ZNF280D: variants seen among roughly 807,000 people sequenced by gnomAD.
The protein encoded by ZNF280D is zinc finger protein 280D, also known as suppressor of hairy wing homolog 4.
Under a neutral mutation model 94.7 loss-of-function variants are expected in ZNF280D, and 39 were observed. The ratio of observed to expected loss-of-function variants is 0.41; its 90% CI spans 0.32 to 0.54. ZNF280D has a LOEUF of 0.54. Ranked by LOEUF, ZNF280D falls within the 20% of genes least tolerant of loss-of-function variation. The probability of loss-of-function intolerance (pLI) is 0.22; values close to 1 mark genes in which losing one functional copy is unlikely to be tolerated. For synonymous variants in ZNF280D, 398 were observed against 377.6 expected (o/e 1.05, Z -0.63); for missense variants, 1,090 against 1,149.3 (o/e 0.95, Z 0.75).
At chr15:56,651,999 G>A (rs1168226613) in intron 19 of ZNF280D, among the ~76,000 whole-genome samples, 2 of 151,658 alleles carry the variant, frequency 1.3e-5, no homozygotes, top group East Asian at 3.9e-4. Context: ...TTTAAAAACT[G>A]GGTAGAGAGA....
rs1254116923 is a variant in ZNF280D at position 56,658,473 on chromosome 15, G to A, written c.2008C>T (p.Arg670Cys). Reference protein sequence around the residue: ...VNHMMSFHSNRPSKRFCIFKK... With the variant: ...VNHMMSFHSNCPSKRFCIFKK... Reference sequence around the variant, plus strand: ...AAAATACAAAACCTTTTGCTTGGACGGTTACTATGAAAGCTGGAGAAACAA... The same window carrying A: ...AAAATACAAAACCTTTTGCTTGGACAGTTACTATGAAAGCTGGAGAAACAA... The change falls in exon 17 of 22, where the codon CGT becomes TGT. Residue 670 changes from arginine (R) to cysteine (C), a missense_variant. This residue lies in a region of ZNF280D where 577 missense variants were observed against 568.8 expected (regional missense o/e 1.01). Coordinates refer to ENST00000267807, the MANE Select transcript of ZNF280D (RefSeq NM_017661.4). 9.5e-6 allele frequency: 15 copies of A among 1,575,144 alleles called. No individual in the cohort carries two copies. Among genetic ancestry groups the A allele is most frequent in the East Asian group, 4.7e-5 (2 of 42,782 alleles).
rs115531217 is a variant in ZNF280D at position 56,664,596 on chromosome 15, A to C, written c.1994+1799T>G. Among the ~76,000 whole-genome samples the C allele has an allele frequency of 1.5e-3, 226 of 152,326 alleles. 1 individual carries two copies. Among genetic ancestry groups the C allele is most frequent in the African/African-American group, 5.3e-3 (222 of 41,574 alleles). On this transcript the variant is annotated intron_variant, in intron 16 of 21. Coordinates refer to ENST00000267807, the MANE Select transcript of ZNF280D (RefSeq NM_017661.4). ...AAAAAGGATGACCTACAATTGACTA[A>C]TTAATAGGCCAAGTTAACAACTGAG...
At chr15:56,665,491 TGAAAAA>T (rs2054222914) in intron 16 of ZNF280D, among the ~76,000 whole-genome samples, 1 of 152,120 alleles carries the variant, frequency 6.6e-6, no homozygotes, top group East Asian at 1.9e-4. Flanking sequence ...AATGAATTAA[TGAAAAA>T]GAATTCCAAA....
intron 1 of ZNF280D, among the ~76,000 whole-genome samples, chr15:56,717,896 A>G (rs1168641837): frequency 1.3e-5 from 2 of 152,176 alleles, no homozygotes; most frequent in Non-Finnish European, 2.9e-5. Context: ...TCAATATAAG[A>G]ACAAAACAAT....
At chr15:56,641,939 TACA>T (rs1317957336) in intron 20 of ZNF280D, among the ~76,000 whole-genome samples, 2 of 151,702 alleles carry the variant, frequency 1.3e-5, no homozygotes, top group South Asian at 2.1e-4. Flanking sequence ...TCTGTGTATT[TACA>T]ACATGTTTAA....
chr15:56,706,809 A>G (rs1249505493), intron 3 of ZNF280D, among the ~76,000 whole-genome samples: 1 of 152,150 alleles, frequency 6.6e-6, no homozygotes, highest in Non-Finnish European at 1.5e-5. Flanking sequence ...ATTTTTTTAG[A>G]AATAATTTAA....
intron 20 of ZNF280D, among the ~76,000 whole-genome samples, chr15:56,641,328 T>A (rs745925737): frequency 1.6e-4 from 24 of 152,012 alleles, no homozygotes; most frequent in Non-Finnish European, 3.2e-4. Flanking sequence ...CTTCTTCCAC[T>A]TGGCTCAAAA....
At chr15:56,644,856 T>A (rs1211429768) in intron 19 of ZNF280D, among the ~76,000 whole-genome samples, 2 of 152,328 alleles carry the variant, frequency 1.3e-5, no homozygotes, top group East Asian at 3.8e-4. Context: ...GAGAACAAAG[T>A]AAGTTATTGA....
chr15:56,711,354 T>C (rs1379105468), intron 1 of ZNF280D, among the ~76,000 whole-genome samples: 1 of 152,170 alleles, frequency 6.6e-6, no homozygotes, highest in Non-Finnish European at 1.5e-5. Flanking sequence ...TTTTTAACTC[T>C]GAGATAAATC....
intron 3 of ZNF280D, among the ~76,000 whole-genome samples, chr15:56,705,488 G>T (rs2057350253): frequency 6.6e-6 from 1 of 152,102 alleles, no homozygotes; most frequent in Admixed American, 6.5e-5. Flanking sequence ...CTAATCATAT[G>T]ACTCTAGAGA....
At position 56,707,284 on chromosome 15, in the gene ZNF280D, G is replaced by A; in HGVS notation, c.-63C>T. 6.5e-7 allele frequency: 1 copy of A among 1,535,044 alleles called. No homozygotes were observed. Among genetic ancestry groups the A allele is most frequent in the Non-Finnish European group, 8.7e-7 (1 of 1,144,302 alleles). On this transcript the variant is annotated 5_prime_UTR_variant, in exon 2 of 22. Coordinates refer to ENST00000267807, the MANE Select transcript of ZNF280D (RefSeq NM_017661.4). ...TCACCATGTGACTCCAGACAAGCCA[G>A]CAAGTTATTTCTGTTTTCCTTCCTA...
chr15:56,714,306 T>C (rs571960306), intron 1 of ZNF280D, among the ~76,000 whole-genome samples: 1 of 152,292 alleles, frequency 6.6e-6, no homozygotes, highest in Non-Finnish European at 1.5e-5. Flanking sequence ...TAAGAGACTG[T>C]AGAAGATAAA....
chr15:56,661,746 G>A (rs1315454903), intron 16 of ZNF280D, among the ~76,000 whole-genome samples: 1 of 152,016 alleles, frequency 6.6e-6, no homozygotes, highest in Admixed American at 6.6e-5. Context: ...CTTCTAAATT[G>A]TGAAAATTAC....
intron 20 of ZNF280D, among the ~76,000 whole-genome samples, chr15:56,640,847 T>C (rs1315796723): frequency 6.6e-6 from 1 of 152,160 alleles, no homozygotes; most frequent in East Asian, 1.9e-4. Flanking sequence ...CTTGATTGTA[T>C]GTTATTGATA....
At chr15:56,637,217 G>A (rs1264009669) in intron 20 of ZNF280D, among the ~76,000 whole-genome samples, 1 of 150,954 alleles carries the variant, frequency 6.6e-6, no homozygotes, top group East Asian at 1.9e-4. Context: ...TGTCACCAAG[G>A]CTGGAACGTA....
At chr15:56,704,077 A>T in intron 4 of ZNF280D, 44 bp downstream of exon 4, 1 of 1,606,460 alleles carries the variant, frequency 6.2e-7, no homozygotes, top group Non-Finnish European at 8.5e-7. Flanking sequence ...TCTACTAGAA[A>T]TAATACCTTA....
intron 7 of ZNF280D, among the ~76,000 whole-genome samples, chr15:56,690,803 GA>G (rs1292202906): frequency 6.6e-6 from 1 of 152,124 alleles, no homozygotes; most frequent in African/African-American, 2.4e-5. Flanking sequence ...ATTAAAAGTA[GA>G]AATGGTACGG....
At chr15:56,680,214 G>C (rs1156565490) in intron 10 of ZNF280D, among the ~76,000 whole-genome samples, 1 of 152,072 alleles carries the variant, frequency 6.6e-6, no homozygotes, top group South Asian at 2.1e-4. Flanking sequence ...ATGAAATGTT[G>C]AGCTATCAAT....
At chr15:56,726,553 T>C (rs1241621073) in intron 1 of ZNF280D, among the ~76,000 whole-genome samples, 8 of 152,194 alleles carry the variant, frequency 5.3e-5, no homozygotes, top group African/African-American at 1.9e-4. Context: ...GCTTTATTTT[T>C]CCTACATCTT....
Sources: gnomAD v4.1 joint callset for allele counts (sites outside exome capture counted in the v4.1 genomes callset) on GRCh38, gnomAD v4.1.1 for gene constraint, gnomAD v4.1.1 regional missense constraint, MANE v1.5 for transcripts, NCBI Gene and HGNC (gene_info 2026-07-23, HGNC 2026-07-21) for gene names.